KCNT2: variants seen among roughly 807,000 people sequenced by gnomAD.
KCNT2 encodes the protein potassium sodium-activated channel subfamily T member 2.
Under a neutral mutation model 153.8 loss-of-function variants are expected in KCNT2, and 67 were observed. That is an observed-to-expected ratio of 0.44 (90% CI 0.36 to 0.53). The LOEUF (loss-of-function observed/expected upper bound fraction) is 0.53. Among genes scored for constraint, KCNT2 ranks in the 20% least tolerant of loss-of-function variants. KCNT2 has a pLI of 0.00. For missense variants in KCNT2, 975 were observed against 1,354.8 expected (o/e 0.72, Z 4.40); for synonymous variants, 500 against 458.8 (o/e 1.09, Z -1.15).
intron 1 of KCNT2, among the ~76,000 whole-genome samples, chr1:196,524,978 A>G (rs1197992331): frequency 6.6e-6 from 1 of 152,196 alleles, no homozygotes; most frequent in Non-Finnish European, 1.5e-5. Context: ...TGGTTGAAGT[A>G]GAGAAAAGGA....
intron 8 of KCNT2, among the ~76,000 whole-genome samples, chr1:196,441,633 A>T (rs955190884): frequency 1.3e-5 from 2 of 151,634 alleles, no homozygotes. Context: ...ATTACATTTT[A>T]TCTTCTTTCA....
intron 8 of KCNT2, among the ~76,000 whole-genome samples, chr1:196,446,573 T>G (rs1430083714): frequency 6.6e-6 from 1 of 151,468 alleles, no homozygotes; most frequent in South Asian, 2.1e-4. Flanking sequence ...AAGCTTTTCA[T>G]CAATTACCCC....
chr1:196,340,717 G>T, intron 15 of KCNT2, 147 bp from the exon 16 acceptor site: 1 of 580,040 alleles, frequency 1.7e-6, no homozygotes. Flanking sequence ...AATAAACTAT[G>T]TGCTTAGTGT....
At chr1:196,340,245 T>C in intron 16 of KCNT2, 96 bp downstream of exon 16, 1 of 788,288 alleles carries the variant, frequency 1.3e-6, no homozygotes, top group East Asian at 2.8e-5. Flanking sequence ...TGAAATTTTC[T>C]TTAAACTTTT....
At chr1:196,570,872 T>A (rs942955561) in intron 1 of KCNT2, among the ~76,000 whole-genome samples, 1 of 152,118 alleles carries the variant, frequency 6.6e-6, no homozygotes, top group African/African-American at 2.4e-5. Context: ...ACTAGCTGCA[T>A]CTGACCTATT....
At chr1:196,307,005 G>A (rs1025196060) in intron 21 of KCNT2, among the ~76,000 whole-genome samples, 2 of 151,942 alleles carry the variant, frequency 1.3e-5, no homozygotes, top group African/African-American at 2.4e-5. Flanking sequence ...GTAAATTGTA[G>A]TAATTGTTAT....
At chr1:196,390,922 T>C (rs991050132) in intron 13 of KCNT2, among the ~76,000 whole-genome samples, 3 of 146,944 alleles carry the variant, frequency 2.0e-5, no homozygotes, top group East Asian at 2.0e-4. Context: ...AAAAAACATA[T>C]GTTAGGAGAC....
chr1:196,321,401 T>C (rs759940408), intron 19 of KCNT2, among the ~76,000 whole-genome samples: 10 of 151,994 alleles, frequency 6.6e-5, no homozygotes, highest in Non-Finnish European at 1.5e-4. Context: ...ACCCTTCTAC[T>C]AGAGTTAAAA....
rs369380276 is a variant in KCNT2, at chr1:196,340,147, G to A, written c.1783+194C>T. Among the ~76,000 whole-genome samples the A allele has an allele frequency of 1.2e-4, 18 of 151,938 alleles. No individual in the cohort carries two copies. The East Asian group carries it at 3.1e-3, about 26-fold the overall frequency. The stretch of plus-strand genomic sequence containing the variant: ...TTATAGACATATGCCACCACAGTAG[G>A]CTAATATCTTACTTTTTAAAAAATT... On this transcript the variant is annotated intron_variant, in intron 16 of 27. Coordinates refer to ENST00000294725, the MANE Select transcript of KCNT2 (RefSeq NM_198503.5).
intron 3 of KCNT2, among the ~76,000 whole-genome samples, chr1:196,485,492 G>A (rs1310623618): frequency 6.6e-6 from 1 of 151,886 alleles, no homozygotes; most frequent in African/African-American, 2.4e-5. Context: ...AAAGAAATCT[G>A]CTTACGTCAA....
intron 6 of KCNT2, 28 bp downstream of exon 6, chr1:196,468,966 G>T: frequency 7.2e-7 from 1 of 1,383,952 alleles, no homozygotes; most frequent in Non-Finnish European, 1.0e-6. Flanking sequence ...TTACAAAAGT[G>T]TTTTTTTAAG....
At chr1:196,463,041 T>C (rs1295493793) in intron 8 of KCNT2, among the ~76,000 whole-genome samples, 1 of 151,724 alleles carries the variant, frequency 6.6e-6, no homozygotes, top group Non-Finnish European at 1.5e-5. Context: ...GCAGCCATCT[T>C]GAACCATAGA....
intron 13 of KCNT2, among the ~76,000 whole-genome samples, chr1:196,384,629 G>A (rs1669797935): frequency 6.7e-6 from 1 of 149,250 alleles, no homozygotes; most frequent in African/African-American, 2.5e-5. Flanking sequence ...CTTGAACCCA[G>A]GAGGCGAAGG....
chr1:196,394,985 GA>G (rs202141967), intron 13 of KCNT2, among the ~76,000 whole-genome samples: 8,806 of 147,550 alleles, frequency 0.06, 394 homozygotes, highest in Non-Finnish European at 0.087. Context: ...CTTTCCAATA[GA>G]TTTTTTTTTT....
intron 22 of KCNT2, among the ~76,000 whole-genome samples, chr1:196,302,297 G>A (rs1165198431): frequency 3.9e-5 from 6 of 152,008 alleles, no homozygotes. Flanking sequence ...TACTGTGTTA[G>A]CTGTCATACC....
intron 5 of KCNT2, among the ~76,000 whole-genome samples, chr1:196,476,982 T>C (rs1678591239): frequency 1.3e-5 from 2 of 152,214 alleles, no homozygotes; most frequent in Non-Finnish European, 2.9e-5. Flanking sequence ...TTCTTATACT[T>C]GACATAGCAA....
At chr1:196,527,428 T>C (rs1333250487) in intron 1 of KCNT2, among the ~76,000 whole-genome samples, 1 of 152,126 alleles carries the variant, frequency 6.6e-6, no homozygotes, top group Non-Finnish European at 1.5e-5. Flanking sequence ...CTGAAATATG[T>C]TCAAAAGTAT....
intron 13 of KCNT2, 31 bp from the exon 14 acceptor site, chr1:196,373,279 A>C (rs1263156338): frequency 7.4e-6 from 7 of 940,542 alleles, no homozygotes; most frequent in Non-Finnish European, 1.2e-5. Flanking sequence ...AAATTAGAAT[A>C]ATTTACCTTT....
intron 13 of KCNT2, among the ~76,000 whole-genome samples, chr1:196,382,082 A>AATTTATTTATCTATTTATTT (rs1553307532): frequency 4.2e-5 from 6 of 143,188 alleles, no homozygotes; most frequent in Admixed American, 3.5e-4. Flanking sequence ...TGTTTAACCA[A>AATTTATTTATCTATTTATTT]ATTTATTTAT....
Sources: gnomAD v4.1 joint callset for allele counts (sites outside exome capture counted in the v4.1 genomes callset) on GRCh38, gnomAD v4.1.1 for gene constraint, MANE v1.5 for transcripts, NCBI Gene and HGNC (gene_info 2026-07-23, HGNC 2026-07-21) for gene names.